RBMS3: variants seen among roughly 807,000 people sequenced by gnomAD.
RBMS3 encodes RNA binding motif single stranded interacting protein 3, also known as RNA-binding motif, single-stranded-interacting protein 3.
RBMS3 carries 27 observed loss-of-function variants against 66.8 expected under a neutral mutation model. That is an observed-to-expected ratio of 0.40 (90% CI 0.30 to 0.56). The LOEUF (loss-of-function observed/expected upper bound fraction) is 0.56, where lower values mean the gene tolerates loss of function less well. Among genes scored for constraint, RBMS3 ranks in the 20% least tolerant of loss-of-function variants. The pLI is 0.40. For synonymous variants in RBMS3, 188 were observed against 183.0 expected (o/e 1.03, Z -0.22); for missense variants, 513 against 549.5 (o/e 0.93, Z 0.66).
intron 4 of RBMS3, among the ~76,000 whole-genome samples, chr3:29,594,048 G>A (rs1000151398): frequency 3.9e-5 from 6 of 152,054 alleles, no homozygotes; most frequent in Non-Finnish European, 7.4e-5. Flanking sequence ...AGAAATGAGA[G>A]GAGAAAACTA....
intron 1 of RBMS3, among the ~76,000 whole-genome samples, chr3:29,305,372 A>G (rs1288335497): frequency 6.6e-6 from 1 of 151,942 alleles, no homozygotes; most frequent in Non-Finnish European, 1.5e-5. Flanking sequence ...CTGATCTATT[A>G]CATTCTTTGT....
chr3:29,390,753 A>G (rs1300979370), intron 1 of RBMS3: 1 of 153,260 alleles, frequency 6.5e-6, no homozygotes, highest in East Asian at 1.8e-4. Context: ...ACTCTGTCTC[A>G]TAACATTTGT....
chr3:29,997,868 A>T (rs1358098462), intron 14 of RBMS3, among the ~76,000 whole-genome samples: 1 of 152,208 alleles, frequency 6.6e-6, no homozygotes, highest in South Asian at 2.1e-4. Flanking sequence ...CAAGACAGGG[A>T]TGCCCTCTCT....
At chr3:29,508,183 AT>A (rs996677046) in intron 3 of RBMS3, among the ~76,000 whole-genome samples, 5 of 152,086 alleles carry the variant, frequency 3.3e-5, no homozygotes, top group South Asian at 4.2e-4. Context: ...AATATAATCT[AT>A]TTTTTCCCCA....
intron 3 of RBMS3, among the ~76,000 whole-genome samples, chr3:29,542,430 G>C (rs537876321): frequency 1.6e-4 from 25 of 151,974 alleles, no homozygotes; most frequent in Admixed American, 1.2e-3. Flanking sequence ...GTGCAATCTC[G>C]GCTCACTGCA....
At chr3:29,565,795 T>G (rs1014957358) in intron 3 of RBMS3, among the ~76,000 whole-genome samples, 2 of 152,184 alleles carry the variant, frequency 1.3e-5, no homozygotes, top group African/African-American at 2.4e-5. Context: ...GTTTTAAACT[T>G]TTATGTCCAA....
chr3:29,698,983 C>T (rs1440514), intron 4 of RBMS3, among the ~76,000 whole-genome samples: 18,410 of 152,012 alleles, frequency 0.12, 2,435 homozygotes, highest in African/African-American at 0.33. Flanking sequence ...TAAACATTTT[C>T]GACAAATACA....
intron 6 of RBMS3, among the ~76,000 whole-genome samples, chr3:29,765,387 T>G (rs1378174074): frequency 1.3e-5 from 2 of 152,004 alleles, no homozygotes; most frequent in Non-Finnish European, 2.9e-5. Context: ...GCATCAGATA[T>G]TTATACTTTT....
chr3:29,703,194 A>C (rs1437041481), intron 4 of RBMS3, among the ~76,000 whole-genome samples: 1 of 152,196 alleles, frequency 6.6e-6, no homozygotes, highest in African/African-American at 2.4e-5. Flanking sequence ...AGAACTAGGG[A>C]GTTGTAAAAG....
intron 1 of RBMS3, among the ~76,000 whole-genome samples, chr3:29,387,688 G>A (rs1426310192): frequency 6.6e-6 from 1 of 152,042 alleles, no homozygotes; most frequent in Admixed American, 6.6e-5. Context: ...GGATCATGAG[G>A]TCAGGAGATC....
chr3:29,889,884 A>G (rs1411033649), intron 8 of RBMS3, among the ~76,000 whole-genome samples: 1 of 151,544 alleles, frequency 6.6e-6, no homozygotes, highest in Non-Finnish European at 1.5e-5. Context: ...CCCAGCCATC[A>G]AGTCAGTCTG....
chr3:29,944,230 G>C lies in RBMS3; in HGVS notation c.1074G>C (p.Met358Ile). The C allele has an allele frequency of 1.3e-6, 2 of 1,593,272 alleles. No homozygotes were observed. Among genetic ancestry groups the C allele is most frequent in the African/African-American group, 2.7e-5 (2 of 74,282 alleles). Residue 358 changes from methionine (M) to isoleucine (I), a missense_variant, in exon 12 of 15, where the codon ATG becomes ATC. By Grantham distance (10) the Met-to-Ile change is conservative. Coordinates refer to ENST00000383767, the MANE Select transcript of RBMS3 (RefSeq NM_001003793.3). ...TGTIQSQDRIMILHQLLCQYM... is the reference protein window; with the variant it reads ...TGTIQSQDRIIILHQLLCQYM... ...AGATTCAATCCCAAGACAGGATTAT[G>C]ATACTCCACCAGCTGTTGTGTCAGG...
intron 3 of RBMS3, among the ~76,000 whole-genome samples, chr3:29,509,335 A>G (rs758962704): frequency 1.6e-4 from 25 of 152,142 alleles, no homozygotes; most frequent in Non-Finnish European, 3.7e-4. Context: ...CGTAACAAGC[A>G]CCCCACATTT....
intron 14 of RBMS3, among the ~76,000 whole-genome samples, chr3:29,999,746 C>T (rs534917391): frequency 1.6e-4 from 23 of 147,224 alleles, no homozygotes; most frequent in Non-Finnish European, 2.4e-4. Flanking sequence ...CATCACACAC[C>T]GGGGACTGTT....
chr3:29,712,170 A>G (rs962710437), intron 4 of RBMS3, among the ~76,000 whole-genome samples: 1 of 152,154 alleles, frequency 6.6e-6, no homozygotes, highest in East Asian at 1.9e-4. Flanking sequence ...AATCATCCCT[A>G]GCTGTGGTGG....
intron 6 of RBMS3, among the ~76,000 whole-genome samples, chr3:29,866,411 C>G (rs982670274): frequency 6.6e-5 from 10 of 152,154 alleles, no homozygotes; most frequent in African/African-American, 2.2e-4. Flanking sequence ...GCCATCCCTC[C>G]TCACAAGAAA....
At chr3:29,737,831 A>AGT (rs3070725) in intron 4 of RBMS3, among the ~76,000 whole-genome samples, 7,135 of 145,748 alleles carry the variant, frequency 0.049, 207 homozygotes, top group African/African-American at 0.086. Flanking sequence ...GTGATAGTGG[A>AGT]GTGTGTGTGT....
intron 3 of RBMS3, among the ~76,000 whole-genome samples, chr3:29,580,764 T>C (rs562565957): frequency 6.5e-4 from 99 of 151,930 alleles, no homozygotes; most frequent in African/African-American, 2.3e-3. Context: ...CAAATTCTTG[T>C]TCCAAAAGCT....
chr3:29,281,626 G>T lies in RBMS3; in HGVS notation c.-56G>T. ...AGTGGTTTAAGAGGAAGCTCGGCCT[G>T]GGGCACTATACCCTGTCATCCAGTT... On this transcript the variant is annotated 5_prime_UTR_variant, in exon 1 of 15. Transcript: ENST00000383767. 1 of 1,449,172 alleles carries T rather than the reference G, an allele frequency of 6.9e-7. No homozygotes were observed. The highest frequency in any genetic ancestry group is 2.3e-5 in the East Asian group (1 of 43,850). The allele number at this position is 1,449,172 out of a possible 1,614,324, so 89.8% of individuals were successfully genotyped here.
Sources: gnomAD v4.1 joint callset for allele counts (sites outside exome capture counted in the v4.1 genomes callset) on GRCh38, gnomAD v4.1.1 for gene constraint, MANE v1.5 for transcripts, NCBI Gene and HGNC (gene_info 2026-07-23, HGNC 2026-07-21) for gene names.